Variants in IL19 observed in about 807,000 individuals in gnomAD.
IL19 encodes interleukin-19.
Under a neutral mutation model 19.5 loss-of-function variants are expected in IL19, and 15 were observed. That is an observed-to-expected ratio of 0.77 (90% CI 0.52 to 1.19). IL19 has a LOEUF of 1.19. Among genes scored for constraint, IL19 ranks in the 50% most tolerant of loss-of-function variants. The pLI, the probability that IL19 is intolerant of heterozygous loss-of-function variation, is 0.00. For synonymous variants in IL19, 78 were observed against 78.3 expected (o/e 1.00, Z 0.02); for missense variants, 199 against 213.1 (o/e 0.93, Z 0.41).
At chr1:206,804,091 T>G (rs1314837285) in intron 2 of IL19, among the ~76,000 whole-genome samples, 1 of 152,230 alleles carries the variant, frequency 6.6e-6, no homozygotes, top group East Asian at 1.9e-4. Context: ...GCTTCTTCTC[T>G]CACGCTTCTT....
chr1:206,776,374 G>A (rs901968983), intron 1 of IL19, among the ~76,000 whole-genome samples: 2 of 152,064 alleles, frequency 1.3e-5, no homozygotes, highest in African/African-American at 4.8e-5. Flanking sequence ...GCTCCGCCCA[G>A]TAAGTTTCAT....
chr1:206,776,746 CG>C (rs1675006799), intron 1 of IL19, among the ~76,000 whole-genome samples: 1 of 151,764 alleles, frequency 6.6e-6, no homozygotes, highest in Non-Finnish European at 1.5e-5. Context: ...TAGGCAAAAA[CG>C]GGAGGTAAAG....
chr1:206,776,838 A>G (rs116838214), intron 1 of IL19, among the ~76,000 whole-genome samples: 1,540 of 146,822 alleles, frequency 0.01, 27 homozygotes, highest in African/African-American at 0.037. Flanking sequence ...CAAGCCGGCA[A>G]TGGCTACCCT....
chr1:206,827,438 C>G (rs894008565), intron 2 of IL19, among the ~76,000 whole-genome samples: 1 of 152,156 alleles, frequency 6.6e-6, no homozygotes, highest in African/African-American at 2.4e-5. Flanking sequence ...CGCCTGTAAT[C>G]CCAGCACTTT....
At chr1:206,808,002 T>C (rs1184887819) in intron 2 of IL19, among the ~76,000 whole-genome samples, 1 of 152,222 alleles carries the variant, frequency 6.6e-6, no homozygotes, top group Non-Finnish European at 1.5e-5. Context: ...ACACATTCAT[T>C]ATATAGTGCT....
At chr1:206,781,889 ATAT>A (rs1675143705) in intron 1 of IL19, among the ~76,000 whole-genome samples, 1 of 129,750 alleles carries the variant, frequency 7.7e-6, no homozygotes, top group African/African-American at 3.2e-5. Flanking sequence ...ATATATATGT[ATAT>A]AGTTATATAT....
At chr1:206,828,070 G>T (rs929345478) in intron 2 of IL19, among the ~76,000 whole-genome samples, 3 of 3,700 alleles carry the variant, frequency 8.1e-4, no homozygotes, top group African/African-American at 1.7e-3. Flanking sequence ...TTTAGTCTAT[G>T]AATTTTGTTA....
intron 2 of IL19, among the ~76,000 whole-genome samples, chr1:206,811,177 A>G (rs2102467621): frequency 6.6e-6 from 1 of 152,328 alleles, no homozygotes; most frequent in East Asian, 1.9e-4. Flanking sequence ...AGAGATTTTT[A>G]GTGAGGCGAA....
intron 1 of IL19, among the ~76,000 whole-genome samples, chr1:206,790,657 G>C (rs924631547): frequency 6.6e-6 from 1 of 152,108 alleles, no homozygotes; most frequent in Non-Finnish European, 1.5e-5. Flanking sequence ...GACAGACTCT[G>C]ACGCAAGTTT....
chr1:206,772,480 A>G (rs1313319538), intron 1 of IL19: 1 of 1,598,214 alleles, frequency 6.3e-7, no homozygotes, highest in Non-Finnish European at 8.6e-7. Flanking sequence ...TTGCAAGAGC[A>G]AGCCCCTGAT....
intron 2 of IL19, among the ~76,000 whole-genome samples, chr1:206,832,458 C>T (rs1480505869): frequency 2.6e-5 from 4 of 152,212 alleles, no homozygotes; most frequent in Non-Finnish European, 5.9e-5. Context: ...AGGCAATAGG[C>T]ATGGTAACCT....
intron 1 of IL19, among the ~76,000 whole-genome samples, chr1:206,790,543 G>A (rs912145831): frequency 2.6e-5 from 4 of 152,250 alleles, no homozygotes; most frequent in Admixed American, 1.3e-4. Flanking sequence ...ATGGTTCATC[G>A]GCAGAATTTT....
chr1:206,772,441 C>G (rs1447194640), intron 1 of IL19: 3 of 1,613,796 alleles, frequency 1.9e-6, no homozygotes, highest in African/African-American at 2.7e-5. Context: ...TGCATGCCTT[C>G]TTTTGCAAGT....
At chr1:206,798,721 G>A (rs1675594331) in intron 1 of IL19, 140 bp from the exon 2 acceptor site, 2 of 563,618 alleles carry the variant, frequency 3.5e-6, no homozygotes, top group South Asian at 2.2e-5. Context: ...GACTGAGGGT[G>A]TGATTCGGTT....
chr1:206,789,292 T>A (rs12565617), intron 1 of IL19, among the ~76,000 whole-genome samples: 60,351 of 152,062 alleles, frequency 0.4, 13,570 homozygotes, highest in East Asian at 0.69. Flanking sequence ...AGTTCCCTTT[T>A]TGGAAACTAC....
intron 1 of IL19, among the ~76,000 whole-genome samples, chr1:206,775,393 T>G (rs1358734838): frequency 1.3e-5 from 2 of 152,164 alleles, no homozygotes; most frequent in Admixed American, 1.3e-4. Flanking sequence ...TGTAGCTAAT[T>G]ATCTCAAGCC....
chr1:206,825,794 C>T (rs999489686), intron 2 of IL19, among the ~76,000 whole-genome samples: 3 of 152,194 alleles, frequency 2.0e-5, no homozygotes, highest in Non-Finnish European at 4.4e-5. Context: ...AAGAACTGCA[C>T]GATTGTCCCT....
chr1:206,772,502 C>T, intron 1 of IL19: 1 of 1,421,194 alleles, frequency 7.0e-7, no homozygotes, highest in South Asian at 1.2e-5. Flanking sequence ...TGTAGACCTT[C>T]ACCTCTCTGT....
At chr1:206,809,680 T>C (rs1675949950) in intron 2 of IL19, among the ~76,000 whole-genome samples, 1 of 152,190 alleles carries the variant, frequency 6.6e-6, no homozygotes, top group African/African-American at 2.4e-5. Context: ...CAATTGGCAC[T>C]AGATGGCACT....
Sources: gnomAD v4.1 joint callset for allele counts (sites outside exome capture counted in the v4.1 genomes callset) on GRCh38, gnomAD v4.1.1 for gene constraint, MANE v1.5 for transcripts, NCBI Gene and HGNC (gene_info 2026-07-23, HGNC 2026-07-21) for gene names.